Variants in PPP2R5E observed in about 807,000 individuals in gnomAD.
PPP2R5E encodes the protein protein phosphatase 2 regulatory subunit B'epsilon.
Under a neutral mutation model 65.3 loss-of-function variants are expected in PPP2R5E, and 4 were observed. The observed-to-expected ratio is 0.06, with a 90% CI of 0.03 to 0.14. The LOEUF (loss-of-function observed/expected upper bound fraction) is 0.14, where lower values mean the gene tolerates loss of function less well. Ranked by LOEUF, PPP2R5E falls within the 10% of genes least tolerant of loss-of-function variation. The pLI is 1.00. For synonymous variants in PPP2R5E, 183 were observed against 187.4 expected (o/e 0.98, Z 0.19); for missense variants, 274 against 556.1 (o/e 0.49, Z 5.10).
chr14:63,501,166 G>A (rs967191469), intron 2 of PPP2R5E, among the ~76,000 whole-genome samples: 11 of 152,060 alleles, frequency 7.2e-5, no homozygotes, highest in South Asian at 6.2e-4. Context: ...TTGGGAGGCC[G>A]AGGCGGGCAG....
Position 63,384,435 on chromosome 14 carries a change from A to G in PPP2R5E, c.1202+9T>C. ...GGAAGAGAACGGAGGAAAGAAACTGAAAACCTACGGATTCCAATGTTCTTT... is the reference window on the plus strand; with the variant it reads ...GGAAGAGAACGGAGGAAAGAAACTGGAAACCTACGGATTCCAATGTTCTTT... On this transcript the variant is annotated intron_variant, in intron 12 of 13. Coordinates refer to ENST00000337537, the MANE Select transcript of PPP2R5E (RefSeq NM_006246.5). The G allele has an allele frequency of 6.2e-7, 1 of 1,611,282 alleles. No individual in the cohort carries two copies. The highest frequency in any genetic ancestry group is 1.1e-5 in the South Asian group (1 of 90,978).
chr14:63,476,221 A>C (rs1327782305), intron 2 of PPP2R5E, among the ~76,000 whole-genome samples: 1 of 152,094 alleles, frequency 6.6e-6, no homozygotes, highest in Non-Finnish European at 1.5e-5. Context: ...CTTTCTCAAA[A>C]TGTATTATTT....
At chr14:63,481,373 G>A (rs943017779) in intron 2 of PPP2R5E, among the ~76,000 whole-genome samples, 21 of 151,888 alleles carry the variant, frequency 1.4e-4, no homozygotes, top group Non-Finnish European at 4.4e-5. Context: ...GCGTGCACCT[G>A]TAATCCCAGC....
intron 2 of PPP2R5E, among the ~76,000 whole-genome samples, chr14:63,499,714 G>A (rs1891762099): frequency 6.6e-6 from 1 of 151,770 alleles, no homozygotes; most frequent in Admixed American, 6.6e-5. Flanking sequence ...AAGAGAGACT[G>A]GGATTCTATC....
rs373638347 is a variant in PPP2R5E, at chr14:63,441,650, G to A, written c.354+12039C>T. Among the ~76,000 whole-genome samples, 35 of 152,250 alleles carry A rather than the reference G, an allele frequency of 2.3e-4. 1 individual carries two copies. Among genetic ancestry groups the A allele is most frequent in the African/African-American group, 8.4e-4 (35 of 41,556 alleles). ...AACACAGCAGGGCGCGGTGGTTCAC[G>A]CCTGTAATCCCAGCACTTTGGGAGG... On this transcript the variant is annotated intron_variant, in intron 3 of 13. Transcript: ENST00000337537.
rs1184992710 is a variant in PPP2R5E at position 63,451,578 on chromosome 14, G to A, written c.354+2111C>T. On this transcript the variant is annotated intron_variant, in intron 3 of 13. Transcript: ENST00000337537. ...TGAAGGTGGTGGGTGATGAAGAAGT[G>A]GAGCACAGAGGATTTTCAGGGCAGT... 2.0e-5 allele frequency: 3 copies of A among 152,394 alleles called. No individual in the cohort carries two copies. The East Asian group carries it at 5.8e-4, about 29-fold the overall frequency. 9.4% of individuals were successfully genotyped at this position (152,394 alleles called of 1,614,324 possible). A position where few individuals can be genotyped will look rare whatever the true frequency, so the allele number is the denominator to read the frequency against.
chr14:63,514,494 C>T (rs1036767668), intron 2 of PPP2R5E, among the ~76,000 whole-genome samples: 4 of 151,042 alleles, frequency 2.6e-5, no homozygotes, highest in African/African-American at 9.8e-5. Flanking sequence ...CAAAAACTCT[C>T]TTCATTAAAA....
At chr14:63,526,474 C>T (rs1319870369) in intron 2 of PPP2R5E, among the ~76,000 whole-genome samples, 2 of 152,088 alleles carry the variant, frequency 1.3e-5, no homozygotes, top group African/African-American at 2.4e-5. Context: ...TTTGAAGATC[C>T]TGTCCTGGGA....
At chr14:63,487,989 T>C (rs570758939) in intron 2 of PPP2R5E, among the ~76,000 whole-genome samples, 2 of 152,280 alleles carry the variant, frequency 1.3e-5, no homozygotes, top group South Asian at 4.1e-4. Flanking sequence ...AAATAAAAAA[T>C]GACATGAAAT....
intron 2 of PPP2R5E, among the ~76,000 whole-genome samples, chr14:63,487,379 C>T (rs1321406234): frequency 1.3e-5 from 2 of 151,976 alleles, no homozygotes; most frequent in Admixed American, 6.6e-5. Flanking sequence ...TTCCTCTTGT[C>T]TTTTTCTCCA....
chr14:63,494,815 T>C (rs748327632), intron 2 of PPP2R5E, among the ~76,000 whole-genome samples: 1 of 152,002 alleles, frequency 6.6e-6, no homozygotes, highest in Non-Finnish European at 1.5e-5. Context: ...GAGGATGGCT[T>C]GAGCCCAGGG....
chr14:63,441,246 T>A (rs1888223036), intron 3 of PPP2R5E, among the ~76,000 whole-genome samples: 1 of 152,180 alleles, frequency 6.6e-6, no homozygotes, highest in Non-Finnish European at 1.5e-5. Flanking sequence ...CTCTAAGGAT[T>A]AAGTATATGG....
chr14:63,539,474 A>G (rs1393374620), intron 2 of PPP2R5E, 55 bp downstream of exon 2: 2 of 1,542,472 alleles, frequency 1.3e-6, no homozygotes, highest in South Asian at 1.2e-5. Context: ...GAAATTATAT[A>G]TAGATGTAGA....
chr14:63,524,360 C>A (rs998300442), intron 2 of PPP2R5E, among the ~76,000 whole-genome samples: 1 of 152,164 alleles, frequency 6.6e-6, no homozygotes, highest in Admixed American at 6.5e-5. Flanking sequence ...GATGAGGGAA[C>A]GCATATTTAT....
chr14:63,454,078 T>C (rs1030286272), intron 2 of PPP2R5E, among the ~76,000 whole-genome samples, 193 bp from the exon 3 acceptor site: 4 of 152,220 alleles, frequency 2.6e-5, no homozygotes, highest in African/African-American at 9.6e-5. Context: ...CTTTGAAAAC[T>C]ACATTGTACC....
intron 2 of PPP2R5E, among the ~76,000 whole-genome samples, chr14:63,504,286 C>G (rs1369429482): frequency 1.3e-5 from 2 of 152,018 alleles, no homozygotes; most frequent in African/African-American, 4.8e-5. Flanking sequence ...AAAAACCCAC[C>G]CAAGAAGTCA....
intron 1 of PPP2R5E, among the ~76,000 whole-genome samples, chr14:63,540,648 G>T (rs868832546): frequency 6.6e-6 from 1 of 151,304 alleles, no homozygotes; most frequent in Middle Eastern, 3.2e-3. Context: ...ACTTGAACCC[G>T]GGAGGCGGAG....
intron 11 of PPP2R5E, among the ~76,000 whole-genome samples, chr14:63,387,292 T>C (rs1297341327): frequency 1.3e-5 from 2 of 152,168 alleles, no homozygotes; most frequent in Admixed American, 6.5e-5. Context: ...CTCTTATATA[T>C]CCATTTTAAT....
chr14:63,492,136 C>A (rs1000969213), intron 2 of PPP2R5E, among the ~76,000 whole-genome samples: 2 of 152,170 alleles, frequency 1.3e-5, no homozygotes, highest in South Asian at 4.1e-4. Flanking sequence ...AGCTTACTAC[C>A]TCTGAACAAG....
Sources: gnomAD v4.1 joint callset for allele counts (sites outside exome capture counted in the v4.1 genomes callset) on GRCh38, gnomAD v4.1.1 for gene constraint, MANE v1.5 for transcripts, NCBI Gene and HGNC (gene_info 2026-07-23, HGNC 2026-07-21) for gene names.